The following ATP2C2 variants were observed in gnomAD, a reference collection of about 807,000 sequenced individuals.
The protein encoded by ATP2C2 is calcium-transporting ATPase type 2C member 2.
Under a neutral mutation model 110.8 loss-of-function variants are expected in ATP2C2, and 171 were observed. The ratio of observed to expected loss-of-function variants is 1.54; its 90% confidence interval spans 1.36 to 1.75. ATP2C2 has a LOEUF of 1.75. Among genes scored for constraint, ATP2C2 ranks in the 40% most tolerant of loss-of-function variants. The probability of loss-of-function intolerance (pLI) is 0.00; values close to 1 mark genes in which losing one functional copy is unlikely to be tolerated. For missense variants in ATP2C2, 1,963 were observed against 1,235.0 expected (o/e 1.59, Z -8.84); for synonymous variants, 804 against 508.4 (o/e 1.58, Z -7.82).
Position 84,408,388 on chromosome 16 carries a change from T to A in ATP2C2, c.328-17T>A. The stretch of plus-strand genomic sequence containing the variant: ...TGAGACTAAAGAACGTGCCCCACCC[T>A]GTTATTTCCTCTTCAGTTTAAGAAC... On this transcript the variant is annotated splice_polypyrimidine_tract_variant and intron_variant, in intron 3 of 26. Coordinates refer to ENST00000262429, the MANE Select transcript of ATP2C2 (RefSeq NM_014861.4). The A allele has an allele frequency of 6.2e-7, 1 of 1,611,362 alleles. No individual in the cohort carries two copies. Among genetic ancestry groups the A allele is most frequent in the Non-Finnish European group, 8.5e-7 (1 of 1,177,684 alleles).
intron 1 of ATP2C2, among the ~76,000 whole-genome samples, chr16:84,377,761 C>T (rs1910333231): frequency 6.6e-6 from 1 of 151,986 alleles, no homozygotes; most frequent in Non-Finnish European, 1.5e-5. Flanking sequence ...CAGTCCAACA[C>T]CATGTTCTGT....
intron 1 of ATP2C2, among the ~76,000 whole-genome samples, chr16:84,375,118 G>A (rs766493155): frequency 6.6e-6 from 1 of 152,216 alleles, no homozygotes; most frequent in Non-Finnish European, 1.5e-5. Flanking sequence ...ATGGCCATGA[G>A]TAGAGGTTTG....
intron 2 of ATP2C2, 134 bp from the exon 3 acceptor site, chr16:84,404,994 C>T (rs779803808): frequency 3.7e-6 from 3 of 805,274 alleles, no homozygotes; most frequent in East Asian, 2.5e-5. Context: ...GAACAAGTCC[C>T]AGCACCTTGG....
At position 84,405,221 on chromosome 16, in the gene ATP2C2, G is replaced by C; in HGVS notation, c.304G>C (p.Val102Leu). The C allele has an allele frequency of 2.5e-6, 4 of 1,614,026 alleles. No individual in the cohort carries two copies. The highest frequency in any genetic ancestry group is 3.4e-6 in the Non-Finnish European group (4 of 1,179,926). Residue 102 changes from valine to leucine, a missense_variant, in exon 3 of 27, where the codon GTG (valine) becomes CTG (leucine). Coordinates refer to ENST00000262429, the MANE Select transcript of ATP2C2 (RefSeq NM_014861.4). Reference protein sequence around the residue: ...NEFVADNSEPVWKKYLDQFKN... With the variant: ...NEFVADNSEPLWKKYLDQFKN... ...GTTTGTTGCTGACAACAGCGAACCT[G>C]TGTGGAAGAAATACCTGGATCAGGT...
At chr16:84,383,383 C>T (rs1254383085) in intron 1 of ATP2C2, among the ~76,000 whole-genome samples, 1 of 152,206 alleles carries the variant, frequency 6.6e-6, no homozygotes, top group Non-Finnish European at 1.5e-5. Context: ...CGCCTGCCAA[C>T]TTGAACTTTT....
intron 11 of ATP2C2, among the ~76,000 whole-genome samples, chr16:84,428,194 G>T (rs987238699): frequency 1.2e-4 from 18 of 152,228 alleles, no homozygotes; most frequent in African/African-American, 4.3e-4. Context: ...TGCTTTAAGG[G>T]TTGAGTGTAC....
intron 23 of ATP2C2, 27 bp downstream of exon 23, chr16:84,459,413 G>A (rs371909387): frequency 9.3e-6 from 15 of 1,610,600 alleles, no homozygotes; most frequent in South Asian, 7.7e-5. Context: ...TGGGAGCCCT[G>A]TGTCTCTTTA....
intron 7 of ATP2C2, among the ~76,000 whole-genome samples, chr16:84,416,626 G>C (rs1004242546): frequency 6.6e-6 from 1 of 152,196 alleles, no homozygotes; most frequent in Non-Finnish European, 1.5e-5. Context: ...GATCCTCTCT[G>C]CCGTGACCTT....
chr16:84,443,723 T>C (rs897819054), intron 15 of ATP2C2, among the ~76,000 whole-genome samples: 2 of 152,216 alleles, frequency 1.3e-5, no homozygotes, highest in African/African-American at 4.8e-5. Context: ...CACTGCCTTC[T>C]GTTATCAGCT....
At chr16:84,451,090 C>T (rs190327793) in intron 17 of ATP2C2, among the ~76,000 whole-genome samples, 12 of 152,258 alleles carry the variant, frequency 7.9e-5, no homozygotes, top group African/African-American at 2.4e-4. Flanking sequence ...GTTGAATGGA[C>T]TCAGTTCCAC....
chr16:84,387,396 C>T lies in ATP2C2; in HGVS notation c.100-11103C>T, dbSNP rs182943240. 7.2e-4 allele frequency among the ~76,000 whole-genome samples: 109 copies of T among 152,270 alleles called. 2 individuals are homozygous for T. The East Asian group carries it at 0.016, about 23-fold the overall frequency. ...GCATGATGGCAGGTGCCTGTAATCC[C>T]AGCCACTCAGGAGGCTGAGGCAGGA... On this transcript the variant is annotated intron_variant, in intron 1 of 26. Coordinates refer to ENST00000262429, the MANE Select transcript of ATP2C2 (RefSeq NM_014861.4).
At chr16:84,396,992 T>C (rs1905024722) in intron 1 of ATP2C2, among the ~76,000 whole-genome samples, 1 of 151,828 alleles carries the variant, frequency 6.6e-6, no homozygotes, top group Admixed American at 6.5e-5. Context: ...AAGAGTGGGA[T>C]TTGCAATCTC....
chr16:84,450,649 C>T (rs1013731737), intron 17 of ATP2C2, among the ~76,000 whole-genome samples: 1 of 152,042 alleles, frequency 6.6e-6, no homozygotes, highest in Non-Finnish European at 1.5e-5. Context: ...AGGAGGCATG[C>T]CAGCCCCATC....
intron 21 of ATP2C2, among the ~76,000 whole-genome samples, chr16:84,456,023 G>A (rs1360129319): frequency 2.8e-5 from 3 of 107,790 alleles, no homozygotes; most frequent in East Asian, 2.4e-4. Context: ...TGCTGGATTC[G>A]GTTTGCCAGT....
rs533445597 is a variant in ATP2C2, at chr16:84,452,030, C to A, written c.1770C>A (p.Ser590=). ...VGVKEAVQVL[S]ESGVSVKMIT... Reference sequence around the variant, plus strand: ...TGAAGGAAGCAGTCCAGGTTCTCTCCGAGTCTGGTGTGTCTGTGAAGATGA... The same window carrying A: ...TGAAGGAAGCAGTCCAGGTTCTCTCAGAGTCTGGTGTGTCTGTGAAGATGA... Residue 590 remains serine (S), a synonymous_variant, in exon 18 of 27, where the codon TCC becomes TCA. Transcript: ENST00000262429. The A allele has an allele frequency of 6.2e-7, 1 of 1,613,736 alleles. No homozygotes were observed. The highest frequency in any genetic ancestry group is 1.3e-5 in the African/African-American group (1 of 74,860).
intron 7 of ATP2C2, among the ~76,000 whole-genome samples, chr16:84,416,845 T>C (rs1906878252): frequency 6.6e-6 from 1 of 152,128 alleles, no homozygotes; most frequent in African/African-American, 2.4e-5. Context: ...CGGCTGTCTG[T>C]GGCCAATCCC....
At chr16:84,391,729 A>T (rs1481069172) in intron 1 of ATP2C2, among the ~76,000 whole-genome samples, 1 of 152,180 alleles carries the variant, frequency 6.6e-6, no homozygotes. Context: ...TCAGAGTTTT[A>T]GCTTCCAGAA....
At chr16:84,385,161 C>G (rs1362913687) in intron 1 of ATP2C2, among the ~76,000 whole-genome samples, 1 of 152,156 alleles carries the variant, frequency 6.6e-6, no homozygotes, top group Non-Finnish European at 1.5e-5. Flanking sequence ...GTGGCTTCTT[C>G]TGGGAAGACC....
chr16:84,373,119 C>CAAA (rs34143321), intron 1 of ATP2C2, among the ~76,000 whole-genome samples: 4 of 103,912 alleles, frequency 3.8e-5, no homozygotes, highest in Non-Finnish European at 3.7e-5. Flanking sequence ...GACTCCCTCT[C>CAAA]AAAAAAAAAA....
Sources: allele counts gnomAD v4.1 joint callset (sites outside exome capture counted in the v4.1 genomes callset), GRCh38; gene constraint gnomAD v4.1.1; transcripts MANE v1.5; gene names NCBI Gene and HGNC (gene_info 2026-07-23, HGNC 2026-07-21).